ATF6: variants seen among roughly 807,000 people sequenced by gnomAD.
The protein encoded by ATF6 is cyclic AMP-dependent transcription factor ATF-6 alpha.
ATF6 carries 53 observed loss-of-function variants against 83.6 expected under a neutral mutation model. The ratio of observed to expected loss-of-function variants is 0.63; its 90% CI spans 0.51 to 0.80. ATF6 has a LOEUF of 0.80. ATF6 is among the 30% of genes least tolerant of loss of function. The probability of loss-of-function intolerance (pLI) is 0.00; values close to 1 mark genes in which losing one functional copy is unlikely to be tolerated. For synonymous variants in ATF6, 288 were observed against 285.8 expected (o/e 1.01, Z -0.08); for missense variants, 744 against 797.9 (o/e 0.93, Z 0.81).
intron 10 of ATF6, among the ~76,000 whole-genome samples, chr1:161,847,516 G>A (rs1442425611): frequency 1.3e-5 from 2 of 152,080 alleles, no homozygotes; most frequent in Admixed American, 1.3e-4. Flanking sequence ...GGCAGTAGCT[G>A]CAACGCAACA....
intron 14 of ATF6, among the ~76,000 whole-genome samples, chr1:161,886,950 A>G (rs1284415894): frequency 2.0e-5 from 3 of 152,232 alleles, no homozygotes; most frequent in Non-Finnish European, 4.4e-5. Flanking sequence ...ACAAAGAGAC[A>G]TTGCAGCAAG....
rs1687153348 is a variant in ATF6 at position 161,873,319 on chromosome 1, TAA to T, written c.1719+10008_1719+10009del. On this transcript the variant is annotated intron_variant, in intron 14 of 15. Coordinates refer to ENST00000367942, the MANE Select transcript of ATF6 (RefSeq NM_007348.4). Reference sequence around the variant, plus strand: ...ATGGTTTTATAATTTTTTCTCACATTAAGTTAGAAAACTAGCAAAGTAACCTA... The same window carrying T: ...ATGGTTTTATAATTTTTTCTCACATTGTTAGAAAACTAGCAAAGTAACCTA... Among the ~76,000 whole-genome samples the T allele has an allele frequency of 2.6e-5, 4 of 151,718 alleles. No homozygotes were observed. In the South Asian group the frequency reaches 8.3e-4, roughly 31 times the overall value.
At position 161,834,023 on chromosome 1, in the gene ATF6, A is replaced by T. The variant is rs562276620; in HGVS notation, c.1188-12426A>T. ...GCCAGAGAGAAAGGTTGGGTTACCC[A>T]CAAAGGGAAGTCCATCAGACTAACA... On this transcript the variant is annotated intron_variant, in intron 9 of 15. Transcript: ENST00000367942. Among the ~76,000 whole-genome samples, 19 of 152,350 alleles carry T rather than the reference A, an allele frequency of 1.2e-4. No homozygotes were observed. The Middle Eastern group carries it at 0.01, about 82-fold the overall frequency.
intron 9 of ATF6, among the ~76,000 whole-genome samples, chr1:161,828,619 T>A (rs1343144488): frequency 6.6e-6 from 1 of 152,190 alleles, no homozygotes; most frequent in Non-Finnish European, 1.5e-5. Context: ...AGGGAGACTG[T>A]TATTAAGTAC....
chr1:161,854,656 G>A (rs1213514581), intron 12 of ATF6, among the ~76,000 whole-genome samples: 1 of 152,172 alleles, frequency 6.6e-6, no homozygotes, highest in Non-Finnish European at 1.5e-5. Flanking sequence ...TGGATCACGA[G>A]GTCAGGAGAT....
intron 9 of ATF6, among the ~76,000 whole-genome samples, chr1:161,833,434 G>T (rs1425004021): frequency 1.3e-5 from 2 of 152,104 alleles, no homozygotes; most frequent in South Asian, 4.1e-4. Flanking sequence ...AGAGAAGAAG[G>T]CTTCAGAAGA....
In ATF6 at chr1:161,819,686, T is replaced by C. The variant is rs753594211; in HGVS notation, c.963T>C (p.Cys321=). The C allele has an allele frequency of 1.2e-6, 2 of 1,611,904 alleles. No homozygotes were observed. The highest frequency in any genetic ancestry group is 2.2e-5 in the South Asian group (2 of 90,680). ...TGATAAAAAATCGAGAATCCGCTTG[T>C]CAGTCTCGCAAGAAGAAGAAAGAAT... ...QRMIKNRESA[C]QSRKKKKEYM... is the part of the protein sequence containing the mutation. The change falls in exon 8 of 16, where the codon TGT becomes TGC. Residue 321 remains cysteine (C), a synonymous_variant. Coordinates refer to ENST00000367942, the MANE Select transcript of ATF6 (RefSeq NM_007348.4).
chr1:161,843,829 C>T (rs992637942), intron 9 of ATF6, among the ~76,000 whole-genome samples: 2 of 152,064 alleles, frequency 1.3e-5, no homozygotes, highest in African/African-American at 2.4e-5. Flanking sequence ...ATATTGATGG[C>T]ATGCTGATAC....
chr1:161,958,385 C>T (rs964082605), intron 15 of ATF6, 61 bp from the exon 16 acceptor site: 1 of 1,496,202 alleles, frequency 6.7e-7, no homozygotes, highest in Admixed American at 1.9e-5. Context: ...GGGGCTGAAG[C>T]TTATGGCAGA....
At chr1:161,932,986 C>A (rs1281300890) in intron 15 of ATF6, among the ~76,000 whole-genome samples, 5 of 152,186 alleles carry the variant, frequency 3.3e-5, no homozygotes, top group Admixed American at 3.3e-4. Flanking sequence ...AATAGCAACA[C>A]AAGAGAGTGT....
chr1:161,842,146 T>C (rs1043607834), intron 9 of ATF6, among the ~76,000 whole-genome samples: 1 of 152,178 alleles, frequency 6.6e-6, no homozygotes, highest in Non-Finnish European at 1.5e-5. Context: ...AGTCCCTATT[T>C]CCAAACTGTC....
intron 7 of ATF6, among the ~76,000 whole-genome samples, chr1:161,811,323 G>A (rs1018285460): frequency 2.0e-5 from 3 of 152,152 alleles, no homozygotes; most frequent in Admixed American, 2.0e-4. Flanking sequence ...TCTTGTGGCT[G>A]GTTACAGGTA....
In ATF6 at chr1:161,920,278, T is replaced by TTC. The variant is rs1312606651; in HGVS notation, c.1804+7914_1804+7915dup. Among the ~76,000 whole-genome samples, 106 of 117,012 alleles carry TTC rather than the reference T, an allele frequency of 9.1e-4. 5 individuals are homozygous for TTC. Among genetic ancestry groups the TTC allele is most frequent in the Non-Finnish European group, 1.4e-3 (81 of 56,494 alleles). The allele number at this position is 117,012 out of a possible 152,430, so 76.8% of individuals were successfully genotyped here. Reference sequence around the variant, plus strand: ...AAAAAATACATAATCATAGTTCTCTTTCTCTCTCTCTCTCTCTTTTTTTTT... The same window carrying TTC: ...AAAAAATACATAATCATAGTTCTCTTTCTCTCTCTCTCTCTCTCTTTTTTTTT... On this transcript the variant is annotated intron_variant, in intron 15 of 15. Coordinates refer to ENST00000367942, the MANE Select transcript of ATF6 (RefSeq NM_007348.4).
chr1:161,803,599 AC>A (rs937603255), intron 7 of ATF6, among the ~76,000 whole-genome samples: 10 of 152,158 alleles, frequency 6.6e-5, no homozygotes, highest in African/African-American at 2.4e-4. Flanking sequence ...GATAGAGGCA[AC>A]TGGATTGGCA....
At chr1:161,804,867 A>T (rs1235428066) in intron 7 of ATF6, among the ~76,000 whole-genome samples, 2 of 151,880 alleles carry the variant, frequency 1.3e-5, no homozygotes, top group African/African-American at 4.8e-5. Context: ...CAGCTTTTGT[A>T]CTCTTAAGGG....
chr1:161,812,541 C>T (rs956785554), intron 7 of ATF6, among the ~76,000 whole-genome samples: 7 of 150,766 alleles, frequency 4.6e-5, no homozygotes, highest in African/African-American at 9.7e-5. Flanking sequence ...TACAGGCGCC[C>T]GCCACTACGC....
chr1:161,938,049 C>T (rs905980715), intron 15 of ATF6, among the ~76,000 whole-genome samples: 1 of 152,126 alleles, frequency 6.6e-6, no homozygotes, highest in African/African-American at 2.4e-5. Flanking sequence ...TTTCTGACCT[C>T]ATTTTCTAGC....
intron 14 of ATF6, among the ~76,000 whole-genome samples, chr1:161,871,722 C>T (rs948963635): frequency 6.6e-6 from 1 of 151,592 alleles, no homozygotes; most frequent in Non-Finnish European, 1.5e-5. Flanking sequence ...GTGACATCTG[C>T]TATGTGACTT....
At chr1:161,906,863 A>G (rs896243303) in intron 14 of ATF6, among the ~76,000 whole-genome samples, 17 of 152,150 alleles carry the variant, frequency 1.1e-4, no homozygotes, top group African/African-American at 1.2e-4. Context: ...TATATGAACT[A>G]TTTCTAGTTT....
Sources: allele counts gnomAD v4.1 joint callset (sites outside exome capture counted in the v4.1 genomes callset), GRCh38; gene constraint gnomAD v4.1.1; transcripts MANE v1.5; gene names NCBI Gene and HGNC (gene_info 2026-07-23, HGNC 2026-07-21).